PACRG: variants seen among roughly 807,000 people sequenced by gnomAD.
PACRG encodes the protein parkin coregulated, also known as parkin coregulated gene protein.
Under a neutral mutation model 29.7 loss-of-function variants are expected in PACRG, and 29 were observed. That is an observed-to-expected ratio of 0.98 (90% CI 0.73 to 1.33). The LOEUF (loss-of-function observed/expected upper bound fraction) is 1.33. Among genes scored for constraint, PACRG ranks in the 40% most tolerant of loss-of-function variants. The probability of loss-of-function intolerance (pLI) is 0.00; values close to 1 mark genes in which losing one functional copy is unlikely to be tolerated. For synonymous variants in PACRG, 116 were observed against 118.7 expected, an observed-to-expected ratio of 0.98 and a Z score of 0.15; for missense variants, 279 against 316.2, an observed-to-expected ratio of 0.88 and a Z score of 0.89.
At chr6:162,765,963 A>G (rs931833153) in intron 1 of PACRG, among the ~76,000 whole-genome samples, 4 of 152,160 alleles carry the variant, frequency 2.6e-5, no homozygotes, top group Non-Finnish European at 5.9e-5. Context: ...ATATTTGTGT[A>G]TACTTACAGA....
At chr6:162,834,429 T>C (rs1789040561) in intron 2 of PACRG, among the ~76,000 whole-genome samples, 1 of 152,100 alleles carries the variant, frequency 6.6e-6, no homozygotes, top group African/African-American at 2.4e-5. Context: ...TTAAAAATGA[T>C]ATAAGTTGTT....
intron 4 of PACRG, among the ~76,000 whole-genome samples, chr6:163,179,877 A>G (rs1178732175): frequency 6.6e-6 from 1 of 152,160 alleles, no homozygotes; most frequent in East Asian, 1.9e-4. Flanking sequence ...CGCAGACCAG[A>G]CCAGCAAGTC....
chr6:162,878,169 A>G (rs1467293411), intron 2 of PACRG, among the ~76,000 whole-genome samples: 4 of 152,228 alleles, frequency 2.6e-5, no homozygotes, highest in African/African-American at 9.6e-5. Flanking sequence ...ATGCAAGTGT[A>G]AGTGTGAGAT....
At chr6:163,002,435 GA>G (rs999046487) in intron 2 of PACRG, among the ~76,000 whole-genome samples, 1 of 152,010 alleles carries the variant, frequency 6.6e-6, no homozygotes, top group African/African-American at 2.4e-5. Context: ...AGAAGGTGAA[GA>G]AAAATCATTT....
intron 4 of PACRG, among the ~76,000 whole-genome samples, chr6:163,149,339 C>T (rs960401242): frequency 6.6e-6 from 1 of 152,136 alleles, no homozygotes; most frequent in African/African-American, 2.4e-5. Context: ...TCCTCCCCAG[C>T]GCACTGGCCC....
At chr6:162,869,819 CTAAT>C (rs1372613539) in intron 2 of PACRG, among the ~76,000 whole-genome samples, 4 of 152,106 alleles carry the variant, frequency 2.6e-5, no homozygotes, top group African/African-American at 9.7e-5. Context: ...TACTGTGAAA[CTAAT>C]TAAACATTGT....
rs139550815 is a variant in PACRG at position 162,772,879 on chromosome 6, A to G, written c.157-41268A>G. ...AATTGGATATGTAGACAGAAGAAGTACAGGGAATTAAAGTGTTGAGAGTTA... is the reference window on the plus strand; with the variant it reads ...AATTGGATATGTAGACAGAAGAAGTGCAGGGAATTAAAGTGTTGAGAGTTA... On this transcript the variant is annotated intron_variant, in intron 1 of 4. Coordinates refer to ENST00000366888, the MANE Select transcript of PACRG (RefSeq NM_001080379.2). 6.8e-4 allele frequency among the ~76,000 whole-genome samples: 103 copies of G among 152,358 alleles called. No homozygotes were observed. The East Asian group carries it at 0.01, about 15-fold the overall frequency.
intron 4 of PACRG, among the ~76,000 whole-genome samples, chr6:163,276,317 T>C (rs1784024792): frequency 6.6e-6 from 1 of 152,176 alleles, no homozygotes; most frequent in Non-Finnish European, 1.5e-5. Flanking sequence ...CATGAGCCAC[T>C]GAGCCTGGCC....
At chr6:163,034,678 C>A (rs1170002457) in intron 2 of PACRG, among the ~76,000 whole-genome samples, 3 of 152,120 alleles carry the variant, frequency 2.0e-5, no homozygotes, top group African/African-American at 7.2e-5. Context: ...TCCTCAGCAT[C>A]GTCCCTTCCA....
chr6:163,140,085 T>C (rs1047698790), intron 4 of PACRG, among the ~76,000 whole-genome samples: 3 of 152,160 alleles, frequency 2.0e-5, no homozygotes, highest in Non-Finnish European at 4.4e-5. Flanking sequence ...CTGCTCTCCA[T>C]GATGCTGCCT....
chr6:163,119,828 G>A (rs977191551), intron 4 of PACRG, among the ~76,000 whole-genome samples: 7 of 152,088 alleles, frequency 4.6e-5, no homozygotes, highest in African/African-American at 1.7e-4. Flanking sequence ...ATCATTTTAT[G>A]TATTTTTGTT....
At chr6:162,899,767 C>T (rs1042477758) in intron 2 of PACRG, among the ~76,000 whole-genome samples, 4 of 152,194 alleles carry the variant, frequency 2.6e-5, no homozygotes, top group African/African-American at 4.8e-5. Flanking sequence ...AAGATATTCA[C>T]ATTGTGAAAC....
intron 4 of PACRG, among the ~76,000 whole-genome samples, chr6:163,128,124 C>G (rs1461396992): frequency 1.3e-5 from 2 of 152,164 alleles, no homozygotes; most frequent in African/African-American, 4.8e-5. Flanking sequence ...TCTCTCTACT[C>G]AGGAAAGCCA....
At chr6:163,302,138 G>A (rs1263233614) in intron 4 of PACRG, among the ~76,000 whole-genome samples, 1 of 152,154 alleles carries the variant, frequency 6.6e-6, no homozygotes, top group East Asian at 1.9e-4. Context: ...ACAAGCTTCA[G>A]TGTCTATTGT....
chr6:163,012,523 T>A (rs1238948514), intron 2 of PACRG, among the ~76,000 whole-genome samples: 1 of 152,236 alleles, frequency 6.6e-6, no homozygotes, highest in Admixed American at 6.5e-5. Flanking sequence ...CAGATCTGAA[T>A]CTGCTGCACA....
intron 2 of PACRG, among the ~76,000 whole-genome samples, chr6:162,931,332 C>G (rs1209188799): frequency 6.6e-6 from 1 of 151,684 alleles, no homozygotes; most frequent in East Asian, 1.9e-4. Context: ...TTTACGAGGT[C>G]CAGTTTTATC....
chr6:163,203,057 C>G (rs979365001), intron 4 of PACRG, among the ~76,000 whole-genome samples: 56 of 152,068 alleles, frequency 3.7e-4, no homozygotes, highest in African/African-American at 1.2e-3. Context: ...TACATCGGGC[C>G]GTTCCTCATC....
At chr6:163,098,228 A>G (rs1814775746) in intron 4 of PACRG, among the ~76,000 whole-genome samples, 1 of 152,156 alleles carries the variant, frequency 6.6e-6, no homozygotes, top group Admixed American at 6.5e-5. Context: ...TGGAAACAGC[A>G]GCTCAGGATG....
At chr6:163,215,147 T>G (rs1465020174) in intron 4 of PACRG, among the ~76,000 whole-genome samples, 1 of 152,182 alleles carries the variant, frequency 6.6e-6, no homozygotes, top group Non-Finnish European at 1.5e-5. Context: ...ACTGCTAAAT[T>G]TCTTTGGTAA....
Sources: gnomAD v4.1 joint callset for allele counts (sites outside exome capture counted in the v4.1 genomes callset) on GRCh38, gnomAD v4.1.1 for gene constraint, MANE v1.5 for transcripts, NCBI Gene and HGNC (gene_info 2026-07-23, HGNC 2026-07-21) for gene names.